The following RGS6 variants were observed in gnomAD, a reference collection of about 807,000 sequenced individuals.
RGS6 encodes regulator of G protein signaling 6, also known as regulator of G-protein signaling 6.
A neutral mutation model predicts 78.5 loss-of-function variants in RGS6; 30 were observed. That is an observed-to-expected ratio of 0.38 (90% CI 0.29 to 0.52). The LOEUF (loss-of-function observed/expected upper bound fraction) is 0.52, where lower values mean the gene tolerates loss of function less well. RGS6 is among the 20% of genes least tolerant of loss of function. The probability of loss-of-function intolerance (pLI) is 0.85; values close to 1 mark genes in which losing one functional copy is unlikely to be tolerated. For synonymous variants in RGS6, 206 were observed against 206.0 expected, an observed-to-expected ratio of 1.00 and a Z score of 0.00; for missense variants, 495 against 609.7, an observed-to-expected ratio of 0.81 and a Z score of 1.98.
intron 2 of RGS6, among the ~76,000 whole-genome samples, chr14:72,317,563 G>A (rs1024004234): frequency 2.0e-5 from 3 of 152,106 alleles, no homozygotes; most frequent in Non-Finnish European, 2.9e-5. Context: ...TTAGGGGCTC[G>A]AAGGTCAATA....
At chr14:72,219,406 CTG>C (rs2046350268) in intron 2 of RGS6, among the ~76,000 whole-genome samples, 1 of 152,162 alleles carries the variant, frequency 6.6e-6, no homozygotes, top group South Asian at 2.1e-4. Context: ...TTCGTCTTCA[CTG>C]TTTCATTTTT....
Position 72,322,731 on chromosome 14 carries a change from A to G in RGS6, c.85-29364A>G, listed in dbSNP as rs141118777. Among the ~76,000 whole-genome samples, 595 of 152,252 alleles carry G rather than the reference A, an allele frequency of 3.9e-3. 2 individuals are homozygous for G. The highest frequency in any genetic ancestry group is 0.013 in the African/African-American group (560 of 41,568). ...GATTTAGTCTTAAAAAAGTAAGACT[A>G]TTTCAAAATTCACAACTGTATTAAT... On this transcript the variant is annotated intron_variant, in intron 2 of 17. Coordinates refer to ENST00000553525, the MANE Select transcript of RGS6 (RefSeq NM_001204424.2).
At chr14:72,251,048 G>C (rs556021647) in intron 2 of RGS6, among the ~76,000 whole-genome samples, 1 of 152,178 alleles carries the variant, frequency 6.6e-6, no homozygotes, top group Admixed American at 6.5e-5. Context: ...AGCCAGAGAT[G>C]GTGGATGCAT....
intron 2 of RGS6, among the ~76,000 whole-genome samples, chr14:72,314,529 C>A (rs151148996): frequency 6.6e-6 from 1 of 151,174 alleles, no homozygotes; most frequent in Non-Finnish European, 1.5e-5. Flanking sequence ...TAGCTTTTCC[C>A]GCCTTTTTCC....
the RGS6 span, among the ~76,000 whole-genome samples, chr14:71,883,356 G>A: frequency 3.3e-5 from 5 of 152,144 alleles, no homozygotes; most frequent in Admixed American, 1.3e-4. Flanking sequence ...CTATGTCCTG[G>A]AGTCCACAAA....
Position 72,478,312 on chromosome 14 carries a change from G to C in RGS6, c.837G>C (p.Met279Ile). Residue 279 changes from methionine (M) to isoleucine (I), a missense_variant, in exon 12 of 18, where the codon ATG becomes ATC. Coordinates refer to ENST00000553525, the MANE Select transcript of RGS6 (RefSeq NM_001204424.2). Reference sequence around the variant, plus strand: ...AGATCGACAGACATTGTTTGAAAATGTCCAAAGTGGCTGAAAGGTATGTTT... The same window carrying C: ...AGATCGACAGACATTGTTTGAAAATCTCCAAAGTGGCTGAAAGGTATGTTT... ...NAQIDRHCLK[M>I]SKVAESLIAY... 1 of 1,610,638 alleles carries C rather than the reference G, an allele frequency of 6.2e-7. No homozygotes were observed. The highest frequency in any genetic ancestry group is 8.5e-7 in the Non-Finnish European group (1 of 1,177,054).
Position 72,158,675 on chromosome 14 carries a change from G to A in RGS6, c.85-193420G>A, listed in dbSNP as rs185577886. ...CAAGTAATGTTTCAAGATAATTTCC[G>A]TAAACATGCACTCTTTTTATGTAAG... On this transcript the variant is annotated intron_variant, in intron 2 of 17. Transcript: ENST00000553525. 2.7e-3 allele frequency among the ~76,000 whole-genome samples: 411 copies of A among 152,176 alleles called. 1 individual carries two copies. Among genetic ancestry groups the A allele is most frequent in the Non-Finnish European group, 4.6e-3 (310 of 68,010 alleles).
At chr14:72,209,814 A>C (rs2043618644) in intron 2 of RGS6, among the ~76,000 whole-genome samples, 1 of 152,210 alleles carries the variant, frequency 6.6e-6, no homozygotes, top group Non-Finnish European at 1.5e-5. Flanking sequence ...GTTTTAGGTT[A>C]GTTTCTCAGA....
the RGS6 span, among the ~76,000 whole-genome samples, chr14:72,573,107 C>G: frequency 1.3e-5 from 2 of 152,306 alleles, no homozygotes; most frequent in East Asian, 3.9e-4. Context: ...GCCAGGTCAT[C>G]CCAGAGCGAG....
intron 2 of RGS6, among the ~76,000 whole-genome samples, chr14:72,261,491 CTA>C (rs2153886968): frequency 6.6e-6 from 1 of 152,104 alleles, no homozygotes; most frequent in South Asian, 2.1e-4. Context: ...ATAAATAAGG[CTA>C]TTATAAGTGA....
rs147380160 is a variant in RGS6, at chr14:72,217,018, T to C, written c.85-135077T>C. On this transcript the variant is annotated intron_variant, in intron 2 of 17. Transcript: ENST00000553525. ...ATTCGGAGGTGTGTGTTTCATTTTA[T>C]AGTGGTAGCTCCTCCTAATAAAAAC... Among the ~76,000 whole-genome samples the C allele has an allele frequency of 2.2e-4, 34 of 152,344 alleles. 1 individual carries two copies. In the East Asian group the frequency reaches 6.4e-3, roughly 28 times the overall value.
chr14:71,933,303 GT>G (rs2088176954), intron 1 of RGS6: 1 of 152,132 alleles, frequency 6.6e-6, no homozygotes, highest in Non-Finnish European at 1.5e-5. Context: ...GTGATCGCAG[GT>G]AGGGCAGCTT....
At chr14:72,200,420 T>C (rs577275788) in intron 2 of RGS6, among the ~76,000 whole-genome samples, 5 of 152,346 alleles carry the variant, frequency 3.3e-5, no homozygotes, top group Admixed American at 3.3e-4. Context: ...TATCTCACTT[T>C]TACCACCATT....
intron 3 of RGS6, among the ~76,000 whole-genome samples, chr14:72,432,368 C>T (rs1460102005): frequency 2.0e-5 from 3 of 152,166 alleles, no homozygotes; most frequent in African/African-American, 4.8e-5. Context: ...TGAGGGATAT[C>T]ATTTAAGGAG....
intron 2 of RGS6, among the ~76,000 whole-genome samples, chr14:72,144,952 G>A (rs183256126): frequency 3.9e-4 from 59 of 152,190 alleles, no homozygotes; most frequent in African/African-American, 1.4e-3. Context: ...AGATAATTTG[G>A]CAGGTAGGGG....
intron 2 of RGS6, among the ~76,000 whole-genome samples, chr14:72,209,792 C>A (rs17109092): frequency 0.17 from 25,501 of 152,078 alleles, 2,848 homozygotes; most frequent in African/African-American, 0.3. Flanking sequence ...CCATCTATAA[C>A]TAATTCGTAT....
At chr14:71,989,564 T>G (rs989749495) in intron 2 of RGS6, among the ~76,000 whole-genome samples, 5 of 152,236 alleles carry the variant, frequency 3.3e-5, no homozygotes, top group Non-Finnish European at 5.9e-5. Context: ...ATGAGGAAAC[T>G]GAAGCTCAGG....
the RGS6 span, among the ~76,000 whole-genome samples, chr14:71,910,721 G>A: frequency 2.0e-5 from 3 of 152,192 alleles, no homozygotes; most frequent in South Asian, 2.1e-4. Flanking sequence ...AGGTGACTTC[G>A]TGGGTGGTGA....
intron 2 of RGS6, among the ~76,000 whole-genome samples, chr14:72,005,146 T>A (rs2153224597): frequency 6.6e-6 from 1 of 152,320 alleles, no homozygotes; most frequent in East Asian, 1.9e-4. Flanking sequence ...TACATACCTA[T>A]GTACTTCTAA....
Sources: allele counts gnomAD v4.1 joint callset (sites outside exome capture counted in the v4.1 genomes callset), GRCh38; gene constraint gnomAD v4.1.1; transcripts MANE v1.5; gene names NCBI Gene and HGNC (gene_info 2026-07-23, HGNC 2026-07-21).